CCDC102B: variants seen among roughly 807,000 people sequenced by gnomAD.
CCDC102B encodes the protein coiled-coil domain-containing protein 102B.
CCDC102B carries 75 observed loss-of-function variants against 57.4 expected under a neutral mutation model. The observed-to-expected ratio is 1.31, with a 90% CI of 1.08 to 1.58. CCDC102B has a LOEUF of 1.58. Ranked by LOEUF, CCDC102B falls within the 40% of genes most tolerant of loss-of-function variation. The pLI, the probability that CCDC102B is intolerant of heterozygous loss-of-function variation, is 0.00. For missense variants in CCDC102B, 636 were observed against 582.6 expected, an observed-to-expected ratio of 1.09 and a Z score of -0.94; for synonymous variants, 206 against 201.9, an observed-to-expected ratio of 1.02 and a Z score of -0.17.
chr18:68,961,673 A>G (rs1311937590), intron 6 of CCDC102B, among the ~76,000 whole-genome samples: 1 of 152,044 alleles, frequency 6.6e-6, no homozygotes, highest in African/African-American at 2.4e-5. Context: ...AAAGCTTTGA[A>G]ATTTATCTTA....
intron 6 of CCDC102B, among the ~76,000 whole-genome samples, chr18:68,941,251 G>A (rs1001788069): frequency 2.8e-5 from 3 of 106,606 alleles, no homozygotes; most frequent in African/African-American, 8.3e-5. Flanking sequence ...TATAACTATG[G>A]TGAGCACAAA....
chr18:68,737,209 G>GA (rs1235106442), intron 2 of CCDC102B, among the ~76,000 whole-genome samples: 1 of 152,028 alleles, frequency 6.6e-6, no homozygotes, highest in Non-Finnish European at 1.5e-5. Flanking sequence ...CTGGGCACCC[G>GA]AAAACAAAGT....
At chr18:68,757,211 C>T (rs953368762) in intron 2 of CCDC102B, among the ~76,000 whole-genome samples, 13 of 152,000 alleles carry the variant, frequency 8.6e-5, no homozygotes, top group South Asian at 2.1e-4. Flanking sequence ...TGCTTGCTTA[C>T]GTAATAAAGA....
chr18:68,866,750 T>C (rs1000974897), intron 4 of CCDC102B: 9 of 622,758 alleles, frequency 1.4e-5, no homozygotes, highest in Non-Finnish European at 2.8e-5. Flanking sequence ...GGTATTGCTT[T>C]GAGTGCACGG....
chr18:68,968,768 G>A (rs1056192579), intron 6 of CCDC102B, among the ~76,000 whole-genome samples: 5 of 151,922 alleles, frequency 3.3e-5, no homozygotes, highest in African/African-American at 1.2e-4. Context: ...TATTTTATAC[G>A]CCTCACATAA....
At chr18:68,896,564 G>A (rs1431897989) in intron 5 of CCDC102B, among the ~76,000 whole-genome samples, 1 of 151,838 alleles carries the variant, frequency 6.6e-6, no homozygotes, top group Non-Finnish European at 1.5e-5. Context: ...GCAGTTATAG[G>A]CAAAGTGTGA....
At chr18:68,781,801 A>AT (rs555643673) in intron 2 of CCDC102B, among the ~76,000 whole-genome samples, 16 of 151,986 alleles carry the variant, frequency 1.1e-4, no homozygotes, top group South Asian at 2.1e-4. Flanking sequence ...AGTATTTAAA[A>AT]TTTTTTTTAT....
At chr18:68,820,571 C>T (rs7244082) in intron 1 of CCDC102B, among the ~76,000 whole-genome samples, 65,663 of 151,918 alleles carry the variant, frequency 0.43, 15,486 homozygotes, top group East Asian at 0.86. Flanking sequence ...ACTCTTTTTT[C>T]CTTATCTGGA....
At chr18:68,857,197 T>C (rs1461870323) in intron 4 of CCDC102B, among the ~76,000 whole-genome samples, 1 of 59,656 alleles carries the variant, frequency 1.7e-5, no homozygotes, top group Non-Finnish European at 2.8e-5. Flanking sequence ...TTATATATTT[T>C]TATATAATAT....
chr18:68,843,979 AT>A (rs1471975151), intron 3 of CCDC102B, among the ~76,000 whole-genome samples: 1 of 147,754 alleles, frequency 6.8e-6, no homozygotes, highest in African/African-American at 2.5e-5. Flanking sequence ...CTAAAAAAAA[AT>A]TTAAGTATCC....
intron 5 of CCDC102B, among the ~76,000 whole-genome samples, chr18:68,881,956 C>A (rs1190926803): frequency 3.3e-5 from 5 of 151,978 alleles, no homozygotes; most frequent in Non-Finnish European, 7.4e-5. Context: ...GACTCCTAAG[C>A]AAAAACATGT....
At position 68,783,835 on chromosome 18, in the gene CCDC102B, C is replaced by A. The variant is rs184191961; in HGVS notation, c.-66-39531C>A. On this transcript the variant is annotated intron_variant, in intron 2 of 3. Transcript: ENST00000578970. ...TATGGGAAATAGGAGAGGAAACATACTATACGGAGCCTATTATATTAAATT... is the reference window on the plus strand; with the variant it reads ...TATGGGAAATAGGAGAGGAAACATAATATACGGAGCCTATTATATTAAATT... 5.5e-4 allele frequency among the ~76,000 whole-genome samples: 84 copies of A among 152,202 alleles called. 1 individual carries two copies. The highest frequency in any genetic ancestry group is 2.0e-3 in the African/African-American group (82 of 41,534).
At chr18:68,924,994 A>G (rs1464983567) in intron 6 of CCDC102B, among the ~76,000 whole-genome samples, 1 of 151,944 alleles carries the variant, frequency 6.6e-6, no homozygotes, top group Non-Finnish European at 1.5e-5. Flanking sequence ...CCCAGCTGAC[A>G]CTAATGCTGC....
chr18:68,863,360 G>A (rs542395219), intron 4 of CCDC102B, among the ~76,000 whole-genome samples: 1 of 151,936 alleles, frequency 6.6e-6, no homozygotes, highest in African/African-American at 2.4e-5. Flanking sequence ...TAAAGGGTTT[G>A]GTTTGAATCA....
intron 2 of CCDC102B, among the ~76,000 whole-genome samples, chr18:68,731,177 G>T (rs984869582): frequency 6.6e-6 from 1 of 151,964 alleles, no homozygotes; most frequent in Non-Finnish European, 1.5e-5. Context: ...GTAGAGACAG[G>T]GTTTCACCAT....
intron 1 of CCDC102B, among the ~76,000 whole-genome samples, chr18:68,835,601 G>GA (rs1429426008): frequency 6.6e-6 from 1 of 152,086 alleles, no homozygotes; most frequent in South Asian, 2.1e-4. Flanking sequence ...GCTTTTGCCT[G>GA]AAAATAACAG....
At chr18:68,934,987 C>T (rs1340319309) in intron 6 of CCDC102B, among the ~76,000 whole-genome samples, 1 of 151,754 alleles carries the variant, frequency 6.6e-6, no homozygotes, top group Admixed American at 6.6e-5. Flanking sequence ...GCGGTGAGTC[C>T]TATGGAGAAA....
At chr18:68,790,660 G>A (rs1028922150) in intron 2 of CCDC102B, among the ~76,000 whole-genome samples, 2 of 152,158 alleles carry the variant, frequency 1.3e-5, no homozygotes, top group Non-Finnish European at 2.9e-5. Flanking sequence ...CGCTTCCCAA[G>A]TGAGGCAATG....
intron 5 of CCDC102B, among the ~76,000 whole-genome samples, chr18:68,886,568 A>AAT (rs2039893259): frequency 6.6e-6 from 1 of 151,886 alleles, no homozygotes; most frequent in Non-Finnish European, 1.5e-5. Context: ...ATATATTGTG[A>AAT]AGATAATCAT....
Sources: allele counts gnomAD v4.1 joint callset (sites outside exome capture counted in the v4.1 genomes callset), GRCh38; gene constraint gnomAD v4.1.1; transcripts MANE v1.5; gene names NCBI Gene and HGNC (gene_info 2026-07-23, HGNC 2026-07-21).